Variants in ASAP2 observed in about 807,000 individuals in gnomAD.
ASAP2 encodes the protein arf-GAP with SH3 domain, ANK repeat and PH domain-containing protein 2.
In ASAP2, 45 loss-of-function variants were observed where a neutral mutation model predicts 131.4. The ratio of observed to expected loss-of-function variants is 0.34; its 90% CI spans 0.27 to 0.44. The LOEUF (loss-of-function observed/expected upper bound fraction) is 0.44, where lower values mean the gene tolerates loss of function less well. Among genes scored for constraint, ASAP2 ranks in the 20% least tolerant of loss-of-function variants. The pLI, the probability that ASAP2 is intolerant of heterozygous loss-of-function variation, is 1.00. For missense variants in ASAP2, 1,011 were observed against 1,297.0 expected (o/e 0.78, Z 3.39); for synonymous variants, 510 against 503.0 (o/e 1.01, Z -0.19).
rs1661192280 is a variant in ASAP2, at chr2:9,207,385, C to G, written c.126+155C>G. Among the ~76,000 whole-genome samples the G allele has an allele frequency of 6.6e-6, 1 of 152,196 alleles. No homozygotes were observed. The highest frequency in any genetic ancestry group is 6.5e-5 in the Admixed American group (1 of 15,282). The stretch of plus-strand genomic sequence containing the variant: ...CGAGACAGAAGCCCTTTGTTCCCGC[C>G]TAGGTGGCTCGGAGGAGATGGGTGA... On this transcript the variant is annotated intron_variant, in intron 1 of 27. Transcript: ENST00000281419. This position sits in a 1 kb window ranked among gnomAD's most constrained non-coding sequence, Gnocchi z 4.1.
intron 1 of ASAP2, among the ~76,000 whole-genome samples, chr2:9,240,996 C>T (rs372989344): frequency 7.2e-5 from 11 of 152,132 alleles, no homozygotes; most frequent in South Asian, 4.1e-4. Context: ...GGAGGCAGGA[C>T]GGTGTGAGAT....
intron 1 of ASAP2, among the ~76,000 whole-genome samples, chr2:9,270,784 C>CCTTTTTTTTTTTTTTT (rs1666294703): frequency 5.7e-5 from 4 of 69,734 alleles, no homozygotes; most frequent in Non-Finnish European, 1.2e-4. Context: ...CAATTGTTTT[C>CCTTTTTTTTTTTTTTT]ATTTTTTTTT....
intron 9 of ASAP2, 80 bp from the exon 10 acceptor site, chr2:9,344,452 C>A: frequency 8.6e-7 from 1 of 1,158,184 alleles, no homozygotes; most frequent in Non-Finnish European, 1.3e-6. Context: ...ACACATTAGG[C>A]ATAAGTTTCC....
intron 7 of ASAP2, 135 bp downstream of exon 7, chr2:9,328,046 G>A (rs1178599972): frequency 1.4e-5 from 8 of 576,034 alleles, no homozygotes; most frequent in East Asian, 1.0e-4. Flanking sequence ...TGACTCATGC[G>A]ACAACACGGG....
chr2:9,331,169 A>G (rs1212883321), intron 7 of ASAP2, among the ~76,000 whole-genome samples: 1 of 152,348 alleles, frequency 6.6e-6, no homozygotes, highest in South Asian at 2.1e-4. Flanking sequence ...GCCTCTGCAC[A>G]CTGCTGTGCT....
chr2:9,206,958 CGCGGCTCCCGCGCCCG>C lies in ASAP2; in HGVS notation c.-143_-128del. ...GCCCCTGCTCCGCCGCCAGGCCCCG[CGCGGCTCCCGCGCCCG>C]GCGCTCCCCTTTGTCCGCGGGCCGG... On this transcript the variant is annotated 5_prime_UTR_variant, in exon 1 of 28. Coordinates refer to ENST00000281419, the MANE Select transcript of ASAP2 (RefSeq NM_003887.3). This position sits in a 1 kb window ranked among gnomAD's most constrained non-coding sequence, Gnocchi z 4.0. 7 of 767,696 alleles carry C rather than the reference CGCGGCTCCCGCGCCCG, an allele frequency of 9.1e-6. No homozygotes were observed. The highest frequency in any genetic ancestry group is 1.1e-5 in the Non-Finnish European group (7 of 633,250). The allele number at this position is 767,696 out of a possible 1,614,324, so 47.6% of individuals were successfully genotyped here.
At chr2:9,286,315 A>G (rs139883054) in intron 2 of ASAP2, among the ~76,000 whole-genome samples, 1 of 152,012 alleles carries the variant, frequency 6.6e-6, no homozygotes, top group Non-Finnish European at 1.5e-5. Flanking sequence ...GGAAGATTAC[A>G]TGAACCTGGG....
intron 1 of ASAP2, among the ~76,000 whole-genome samples, chr2:9,274,632 A>G (rs554381812): frequency 8.1e-5 from 12 of 147,486 alleles, no homozygotes; most frequent in South Asian, 2.1e-4. Context: ...CTAACACTCA[A>G]TCTTAAACAA....
chr2:9,226,370 C>T lies in ASAP2; in HGVS notation c.126+19140C>T, dbSNP rs561995696. Among the ~76,000 whole-genome samples, 104 of 152,260 alleles carry T rather than the reference C, an allele frequency of 6.8e-4. 2 individuals carry two copies. Among genetic ancestry groups the T allele is most frequent in the South Asian group, 4.3e-3 (21 of 4,830 alleles). On this transcript the variant is annotated intron_variant, in intron 1 of 27. Coordinates refer to ENST00000281419, the MANE Select transcript of ASAP2 (RefSeq NM_003887.3). ...TTGCCAAAATGCCTATTGCAGGGAGCGGGGTCACCTCCCTGAGGCCATGCA... is the reference window on the plus strand; with the variant it reads ...TTGCCAAAATGCCTATTGCAGGGAGTGGGGTCACCTCCCTGAGGCCATGCA...
chr2:9,367,070 G>T (rs921178404), intron 15 of ASAP2, among the ~76,000 whole-genome samples: 2 of 141,066 alleles, frequency 1.4e-5, no homozygotes, highest in African/African-American at 5.6e-5. Context: ...TCACTCTGTC[G>T]CCCAGGCTGG....
At chr2:9,315,585 T>G (rs933745390) in intron 3 of ASAP2, among the ~76,000 whole-genome samples, 1 of 151,946 alleles carries the variant, frequency 6.6e-6, no homozygotes, top group African/African-American at 2.4e-5. Flanking sequence ...TGCCTGCAAG[T>G]AGAGGGAAAT....
intron 1 of ASAP2, among the ~76,000 whole-genome samples, chr2:9,256,339 G>T (rs1461904212): frequency 1.3e-5 from 2 of 152,158 alleles, no homozygotes; most frequent in African/African-American, 4.8e-5. Flanking sequence ...GTATATGCAT[G>T]TGCTGCCTTC....
At chr2:9,284,096 G>A (rs994195163) in intron 2 of ASAP2, among the ~76,000 whole-genome samples, 2 of 152,160 alleles carry the variant, frequency 1.3e-5, no homozygotes, top group Non-Finnish European at 2.9e-5. Context: ...CCCATCTCAA[G>A]TTCAGCTGAT....
At chr2:9,312,673 A>T (rs890993131) in intron 3 of ASAP2, among the ~76,000 whole-genome samples, 9 of 151,950 alleles carry the variant, frequency 5.9e-5, no homozygotes, top group African/African-American at 2.2e-4. Flanking sequence ...CAGAGTTTCC[A>T]CTTGGTAGTT....
Position 9,401,269 on chromosome 2 carries a change from C to T in ASAP2, c.2824-5C>T. 1 of 1,613,414 alleles carries T rather than the reference C, an allele frequency of 6.2e-7. No individual in the cohort carries two copies. The highest frequency in any genetic ancestry group is 1.7e-5 in the Admixed American group (1 of 59,994). On this transcript the variant is annotated splice_region_variant and splice_polypyrimidine_tract_variant and intron_variant, in intron 26 of 27. Coordinates refer to ENST00000281419, the MANE Select transcript of ASAP2 (RefSeq NM_003887.3). ...CACTAACCGTTGTTCCCTCTCCTGA[C>T]CCAGACCAAGTTGAAGCCTAAGCGG...
At chr2:9,209,396 A>C (rs1661373198) in intron 1 of ASAP2, among the ~76,000 whole-genome samples, 1 of 152,204 alleles carries the variant, frequency 6.6e-6, no homozygotes, top group South Asian at 2.1e-4. Context: ...TGTATGGTTT[A>C]ATAACAATTG....
chr2:9,344,990 GTTT>G (rs34867294), intron 11 of ASAP2, among the ~76,000 whole-genome samples, 190 bp downstream of exon 11: 1 of 146,446 alleles, frequency 6.8e-6, no homozygotes, highest in Admixed American at 6.8e-5. Flanking sequence ...GCCTGTTTAT[GTTT>G]TTTTTTTTTT....
At chr2:9,212,408 C>A (rs1472654794) in intron 1 of ASAP2, among the ~76,000 whole-genome samples, 1 of 152,066 alleles carries the variant, frequency 6.6e-6, no homozygotes, top group African/African-American at 2.4e-5. Context: ...GAAGTCCAGG[C>A]AGTTACCTGT....
rs561468504 is a variant in ASAP2, at chr2:9,224,539, G to C, written c.126+17309G>C. Among the ~76,000 whole-genome samples, 3 of 152,238 alleles carry C rather than the reference G, an allele frequency of 2.0e-5. No individual in the cohort carries two copies. The South Asian group carries it at 6.2e-4, about 32-fold the overall frequency. Reference sequence around the variant, plus strand: ...TTTGGTTTGCAAAATCAAGGTTGTCGTGTCATCCTTTGAAACAATTAGAGA... The same window carrying C: ...TTTGGTTTGCAAAATCAAGGTTGTCCTGTCATCCTTTGAAACAATTAGAGA... On this transcript the variant is annotated intron_variant, in intron 1 of 27. Transcript: ENST00000281419.
Sources: allele counts gnomAD v4.1 joint callset (sites outside exome capture counted in the v4.1 genomes callset), GRCh38; gene constraint gnomAD v4.1.1; non-coding constraint Gnocchi (gnomAD v3.1); transcripts MANE v1.5; gene names NCBI Gene and HGNC (gene_info 2026-07-23, HGNC 2026-07-21).